ABTB3: variants seen among roughly 807,000 people sequenced by gnomAD.
The protein encoded by ABTB3 is ankyrin repeat- and BTB/POZ domain-containing protein 3.
At chr12:107,346,219 C>T in the ABTB3 span, among the ~76,000 whole-genome samples, 1 of 152,044 alleles carries the variant, frequency 6.6e-6, no homozygotes, top group Non-Finnish European at 1.5e-5. Flanking sequence ...GTCCTCAAGT[C>T]CCTGTTGCTT....
the ABTB3 span, among the ~76,000 whole-genome samples, chr12:107,350,200 A>G: frequency 1.3e-5 from 2 of 152,148 alleles, no homozygotes; most frequent in African/African-American, 4.8e-5. Flanking sequence ...TTAGGGGGGA[A>G]AAATCATATT....
At chr12:107,550,478 G>A in the ABTB3 span, among the ~76,000 whole-genome samples, 30 of 146,664 alleles carry the variant, frequency 2.0e-4, no homozygotes, top group Non-Finnish European at 3.8e-4. Flanking sequence ...TAACATCATC[G>A]GTGGTTCTGG....
the ABTB3 span, among the ~76,000 whole-genome samples, chr12:107,644,052 GCTA>G: frequency 6.6e-6 from 1 of 152,110 alleles, no homozygotes; most frequent in Non-Finnish European, 1.5e-5. Context: ...ACAAGCATGA[GCTA>G]CTACGTGTGG....
the ABTB3 span, among the ~76,000 whole-genome samples, chr12:107,521,066 A>G: frequency 6.6e-6 from 1 of 152,350 alleles, no homozygotes; most frequent in Middle Eastern, 3.4e-3. Context: ...TGCATGCCAG[A>G]GTATATTCTC....
At chr12:107,326,873 T>G in the ABTB3 span, among the ~76,000 whole-genome samples, 3 of 152,214 alleles carry the variant, frequency 2.0e-5, no homozygotes, top group South Asian at 6.2e-4. Context: ...ACAAGCATTG[T>G]GGGGTTGTAT....
chr12:107,339,884 C>G, the ABTB3 span, among the ~76,000 whole-genome samples: 2 of 152,126 alleles, frequency 1.3e-5, no homozygotes, highest in African/African-American at 4.8e-5. Context: ...CCATGTCACA[C>G]TCAAACACAA....
At chr12:107,557,044 A>C in the ABTB3 span, among the ~76,000 whole-genome samples, 1 of 151,860 alleles carries the variant, frequency 6.6e-6, no homozygotes, top group African/African-American at 2.4e-5. Context: ...TAATCAAATC[A>C]CTCCATCCGA....
At chr12:107,341,437 G>A in the ABTB3 span, among the ~76,000 whole-genome samples, 2 of 152,148 alleles carry the variant, frequency 1.3e-5, no homozygotes, top group Admixed American at 1.3e-4. Context: ...CAAGACTGAG[G>A]GGGGTAAGAA....
chr12:107,548,204 C>G, the ABTB3 span, among the ~76,000 whole-genome samples: 1 of 152,026 alleles, frequency 6.6e-6, no homozygotes, highest in Non-Finnish European at 1.5e-5. Flanking sequence ...TCTTTTTATC[C>G]TGCAATTCTA....
the ABTB3 span, among the ~76,000 whole-genome samples, chr12:107,628,226 T>C: frequency 6.6e-6 from 1 of 152,196 alleles, no homozygotes; most frequent in Non-Finnish European, 1.5e-5. Flanking sequence ...CTGCAACCTC[T>C]GCCTTCCAGG....
At chr12:107,466,021 C>T in the ABTB3 span, among the ~76,000 whole-genome samples, 1 of 152,156 alleles carries the variant, frequency 6.6e-6, no homozygotes, top group Non-Finnish European at 1.5e-5. Context: ...AGACAAACAG[C>T]GCGAGCAAGA....
the ABTB3 span, among the ~76,000 whole-genome samples, chr12:107,465,278 G>T: frequency 1.3e-5 from 2 of 152,128 alleles, no homozygotes; most frequent in African/African-American, 4.8e-5. Flanking sequence ...GGAAGGCACC[G>T]CATGTCAAAC....
chr12:107,357,157 A>G, the ABTB3 span, among the ~76,000 whole-genome samples: 1 of 152,206 alleles, frequency 6.6e-6, no homozygotes, highest in African/African-American at 2.4e-5. Context: ...TTATGGACAC[A>G]TTCAGCAGGC....
chr12:107,433,183 G>C, the ABTB3 span, among the ~76,000 whole-genome samples: 4 of 151,180 alleles, frequency 2.6e-5, no homozygotes, highest in Non-Finnish European at 5.9e-5. Context: ...CCAGCTACTC[G>C]GGAGGCTGAG....
chr12:107,469,946 T>TTC, the ABTB3 span, among the ~76,000 whole-genome samples: 114 of 37,630 alleles, frequency 3.0e-3, 13 homozygotes, highest in African/African-American at 0.011. Flanking sequence ...TTCTTTCTCT[T>TTC]TCTTTCTTTC....
chr12:107,613,230 C>G, the ABTB3 span, among the ~76,000 whole-genome samples: 1 of 152,342 alleles, frequency 6.6e-6, no homozygotes, highest in Admixed American at 6.5e-5. Flanking sequence ...AGGAGCACTC[C>G]TGAGCCATCA....
chr12:107,396,436 G>C, the ABTB3 span, among the ~76,000 whole-genome samples: 1 of 152,170 alleles, frequency 6.6e-6, no homozygotes, highest in African/African-American at 2.4e-5. Flanking sequence ...GACACTTCTT[G>C]GAGTTGTGAA....
At chr12:107,359,496 A>G in the ABTB3 span, among the ~76,000 whole-genome samples, 2 of 152,224 alleles carry the variant, frequency 1.3e-5, no homozygotes, top group Non-Finnish European at 2.9e-5. Flanking sequence ...CAAAGGGAGC[A>G]GAAACCGGAT....
the ABTB3 span, among the ~76,000 whole-genome samples, chr12:107,508,438 C>CTGTTTTTTTTTTTTTTTTTTTT: frequency 1.4e-5 from 1 of 69,150 alleles, no homozygotes; most frequent in Non-Finnish European, 2.7e-5. Flanking sequence ...AAGATCATTT[C>CTGTTTTTTTTTTTTTTTTTTTT]TTTTTTTTTT....
Sources: allele counts gnomAD v4.1 joint callset (sites outside exome capture counted in the v4.1 genomes callset), GRCh38; gene constraint gnomAD v4.1.1; transcripts MANE v1.5; gene names NCBI Gene and HGNC (gene_info 2026-07-23, HGNC 2026-07-21).